The following XKR9 variants were observed in gnomAD, a reference collection of about 807,000 sequenced individuals.
XKR9 encodes XK related 9, also known as XK-related protein 9.
XKR9 carries 32 observed loss-of-function variants against 32.0 expected under a neutral mutation model. The ratio of observed to expected loss-of-function variants is 1.00; its 90% CI spans 0.76 to 1.34. The LOEUF (loss-of-function observed/expected upper bound fraction) is 1.34. Ranked by LOEUF, XKR9 falls within the 40% of genes most tolerant of loss-of-function variation. XKR9 has a pLI of 0.00. For synonymous variants in XKR9, 168 were observed against 143.4 expected (o/e 1.17, Z -1.22); for missense variants, 546 against 429.7 (o/e 1.27, Z -2.39).
At chr8:70,677,378 A>G (rs1435010352) in intron 2 of XKR9, among the ~76,000 whole-genome samples, 1 of 151,874 alleles carries the variant, frequency 6.6e-6, no homozygotes, top group Non-Finnish European at 1.5e-5. Context: ...GAACTCCTGG[A>G]CTCAAGTGAT....
At chr8:70,796,422 C>T in the XKR9 span, among the ~76,000 whole-genome samples, 1 of 151,976 alleles carries the variant, frequency 6.6e-6, no homozygotes, top group Non-Finnish European at 1.5e-5. Context: ...TCAGCAGTAA[C>T]ATTTCCTTTT....
the XKR9 span, among the ~76,000 whole-genome samples, chr8:70,981,598 C>T: frequency 6.6e-6 from 1 of 152,074 alleles, no homozygotes; most frequent in Admixed American, 6.6e-5. Context: ...TCTGGTGCCT[C>T]GCTGATTAGC....
the XKR9 span, among the ~76,000 whole-genome samples, chr8:70,829,537 C>T: frequency 6.6e-6 from 1 of 152,212 alleles, no homozygotes; most frequent in South Asian, 2.1e-4. Context: ...CAAGCTCCGC[C>T]TCCCGGGTTC....
the XKR9 span, among the ~76,000 whole-genome samples, chr8:70,909,694 C>T: frequency 6.6e-5 from 9 of 136,858 alleles, no homozygotes; most frequent in African/African-American, 2.4e-4. Flanking sequence ...AAACCCAGTT[C>T]GATTTATCCT....
the XKR9 span, among the ~76,000 whole-genome samples, chr8:70,904,728 C>T: frequency 2.6e-5 from 4 of 152,162 alleles, no homozygotes; most frequent in Admixed American, 2.6e-4. Flanking sequence ...ATGGTCTTTA[C>T]ATTTTGGCAT....
At chr8:70,877,981 C>A in the XKR9 span, among the ~76,000 whole-genome samples, 1 of 152,176 alleles carries the variant, frequency 6.6e-6, no homozygotes, top group African/African-American at 2.4e-5. Flanking sequence ...ACCCTATAAG[C>A]CAGAAGAGAG....
chr8:70,995,403 A>T, the XKR9 span, among the ~76,000 whole-genome samples: 1 of 152,214 alleles, frequency 6.6e-6, no homozygotes. Context: ...GACATATGGC[A>T]TATGGCCCCA....
chr8:71,000,904 C>A, the XKR9 span, among the ~76,000 whole-genome samples: 2 of 152,346 alleles, frequency 1.3e-5, no homozygotes, highest in African/African-American at 4.8e-5. Context: ...GAGAGGGCTA[C>A]TTCTTCTTGG....
At chr8:70,712,673 C>A (rs919533856) in intron 4 of XKR9, among the ~76,000 whole-genome samples, 2 of 151,976 alleles carry the variant, frequency 1.3e-5, no homozygotes, top group Non-Finnish European at 2.9e-5. Context: ...ATTTTTGCAA[C>A]CAAAATTTAC....
chr8:70,910,115 C>T, the XKR9 span, among the ~76,000 whole-genome samples: 1 of 151,214 alleles, frequency 6.6e-6, no homozygotes, highest in African/African-American at 2.4e-5. Context: ...AAAAGCAGGG[C>T]AGGTTCTCAT....
intron 4 of XKR9, among the ~76,000 whole-genome samples, chr8:70,712,749 T>G (rs1805962581): frequency 6.6e-6 from 1 of 152,106 alleles, no homozygotes; most frequent in African/African-American, 2.4e-5. Context: ...ACAAAAACTC[T>G]AACAAAAGAC....
At chr8:70,915,789 T>G in the XKR9 span, among the ~76,000 whole-genome samples, 2 of 152,204 alleles carry the variant, frequency 1.3e-5, no homozygotes, top group African/African-American at 4.8e-5. Context: ...AGAGGACTTG[T>G]AGACAGAAAT....
the XKR9 span, among the ~76,000 whole-genome samples, chr8:71,004,624 G>A: frequency 6.6e-6 from 1 of 152,190 alleles, no homozygotes; most frequent in South Asian, 2.1e-4. Flanking sequence ...CTAGGAAGTA[G>A]GTGGCTATCT....
chr8:71,037,285 A>T, the XKR9 span, among the ~76,000 whole-genome samples: 1 of 152,188 alleles, frequency 6.6e-6, no homozygotes, highest in African/African-American at 2.4e-5. Context: ...AATTAAAATC[A>T]TATTATTGGA....
At chr8:70,701,127 C>T (rs1027793532) in intron 3 of XKR9, among the ~76,000 whole-genome samples, 5 of 152,216 alleles carry the variant, frequency 3.3e-5, no homozygotes, top group South Asian at 4.1e-4. Flanking sequence ...CTCCCTGACC[C>T]CTTGCACTTC....
chr8:70,821,859 G>A, the XKR9 span, among the ~76,000 whole-genome samples: 2 of 152,196 alleles, frequency 1.3e-5, no homozygotes, highest in East Asian at 1.9e-4. Context: ...TGTGATGGGA[G>A]GGGCTGCCGT....
At chr8:70,718,688 A>G (rs976537069) in intron 4 of XKR9, among the ~76,000 whole-genome samples, 6 of 152,208 alleles carry the variant, frequency 3.9e-5, no homozygotes, top group African/African-American at 1.4e-4. Context: ...TCCATGGCAT[A>G]TATGGGCCAC....
chr8:70,708,398 A>G (rs1444922850), intron 4 of XKR9, among the ~76,000 whole-genome samples: 1 of 152,072 alleles, frequency 6.6e-6, no homozygotes, highest in African/African-American at 2.4e-5. Flanking sequence ...GAAGTAGGAA[A>G]TTGAGGTAAG....
chr8:70,812,803 A>G, the XKR9 span, among the ~76,000 whole-genome samples: 1 of 152,210 alleles, frequency 6.6e-6, no homozygotes, highest in African/African-American at 2.4e-5. Context: ...GGATACAAAC[A>G]AATGGAAGAA....
Sources: allele counts gnomAD v4.1 joint callset (sites outside exome capture counted in the v4.1 genomes callset), GRCh38; gene constraint gnomAD v4.1.1; transcripts MANE v1.5; gene names NCBI Gene and HGNC (gene_info 2026-07-23, HGNC 2026-07-21).